RUNDC3A: variants seen among roughly 807,000 people sequenced by gnomAD.
RUNDC3A encodes RUN domain containing 3A.
In RUNDC3A, 28 loss-of-function variants were observed where a neutral mutation model predicts 53.9. The observed-to-expected ratio is 0.52, with a 90% confidence interval of 0.38 to 0.71. The LOEUF (loss-of-function observed/expected upper bound fraction) is 0.71, where lower values mean the gene tolerates loss of function less well. RUNDC3A is among the 30% of genes least tolerant of loss of function. RUNDC3A has a pLI of 0.00. For missense variants in RUNDC3A, 491 were observed against 597.3 expected, an observed-to-expected ratio of 0.82 and a Z score of 1.85; for synonymous variants, 232 against 249.4, an observed-to-expected ratio of 0.93 and a Z score of 0.66.
intron 1 of RUNDC3A, chr17:44,310,902 A>T: frequency 1.0e-6 from 1 of 985,182 alleles, no homozygotes; most frequent in Non-Finnish European, 1.2e-6. Flanking sequence ...GCTGGCTCTC[A>T]GCAGGGCCAG....
intron 1 of RUNDC3A, chr17:44,311,169 TCAACTC>T: frequency 1.0e-6 from 1 of 985,588 alleles, no homozygotes; most frequent in Non-Finnish European, 1.2e-6. Flanking sequence ...TCAAGGCAGT[TCAACTC>T]CAAGTTCAAA....
chr17:44,314,647 G>A, intron 4 of RUNDC3A, 88 bp from the exon 5 acceptor site: 3 of 1,533,408 alleles, frequency 2.0e-6, no homozygotes, highest in Admixed American at 1.9e-5. Context: ...TCAGGATGGG[G>A]TGGCAGTAAG....
Position 44,313,174 on chromosome 17 carries a change from G to A in RUNDC3A, c.294G>A (p.Arg98=). 6.2e-7 allele frequency: 1 copy of A among 1,614,048 alleles called. No homozygotes were observed. The highest frequency in any genetic ancestry group is 8.5e-7 in the Non-Finnish European group (1 of 1,179,898). The change falls in exon 3 of 11, where the codon CGG becomes CGA. Residue 98 remains arginine, a synonymous_variant. Coordinates refer to ENST00000426726, the MANE Select transcript of RUNDC3A (RefSeq NM_001144825.2). ...DGQRGFWDYI[R]LACSKVPNNC... is the part of the protein sequence containing the mutation. Reference sequence around the variant, plus strand: ...AGCGGGGCTTTTGGGACTATATCCGGCTGGCCTGCAGCAAAGTGCCCAACA... The same window carrying A: ...AGCGGGGCTTTTGGGACTATATCCGACTGGCCTGCAGCAAAGTGCCCAACA...
At chr17:44,311,137 C>T (rs1567852311) in intron 1 of RUNDC3A, 1 of 985,592 alleles carries the variant, frequency 1.0e-6, no homozygotes, top group East Asian at 1.1e-4. Context: ...AGTGCAACCC[C>T]AAGACTGACC....
chr17:44,314,687 G>GGT, intron 4 of RUNDC3A, 48 bp from the exon 5 acceptor site: 2 of 1,135,012 alleles, frequency 1.8e-6, no homozygotes, highest in Non-Finnish European at 2.5e-6. Context: ...GGGGGGGGGG[G>GGT]GCGCTCCAGG....
chr17:44,316,927 AT>A, intron 10 of RUNDC3A: 1 of 486,880 alleles, frequency 2.1e-6, no homozygotes, highest in Admixed American at 3.9e-5. Context: ...GGTTCAAGGG[AT>A]TCCCTTGCCT....
chr17:44,315,135 C>T lies in RUNDC3A; in HGVS notation c.630-20C>T, dbSNP rs562629087. The T allele has an allele frequency of 6.9e-6, 11 of 1,585,016 alleles. No homozygotes were observed. In the African/African-American group the frequency reaches 1.2e-4, roughly 17 times the overall value. ...GGGGGAGGGGCGGGACCGGCCGTGCCCACTGCTCCCTCTCCCAAGCTACGA... is the reference window on the plus strand; with the variant it reads ...GGGGGAGGGGCGGGACCGGCCGTGCTCACTGCTCCCTCTCCCAAGCTACGA... On this transcript the variant is annotated intron_variant, in intron 6 of 10. Coordinates refer to ENST00000426726, the MANE Select transcript of RUNDC3A (RefSeq NM_001144825.2). The surrounding 1 kb of genome is among the most constrained non-coding windows in gnomAD (Gnocchi z 6.1).
Position 44,318,369 on chromosome 17 carries a change from G to C in RUNDC3A, c.*131G>C, listed in dbSNP as rs2047918124. The C allele has an allele frequency of 9.5e-7, 1 of 1,049,588 alleles. No homozygotes were observed. The highest frequency in any genetic ancestry group is 1.6e-5 in the African/African-American group (1 of 63,118). The allele number at this position is 1,049,588 out of a possible 1,614,324, so 65.0% of individuals were successfully genotyped here. A position where few individuals can be genotyped will look rare whatever the true frequency, so the allele number is the denominator to read the frequency against. ...ACCCACCCAGCCAGGGTTCTCTCGGGGAAGATCTCGTCTGCTCACCTTAGC... is the reference window on the plus strand; with the variant it reads ...ACCCACCCAGCCAGGGTTCTCTCGGCGAAGATCTCGTCTGCTCACCTTAGC... On this transcript the variant is annotated 3_prime_UTR_variant, in exon 11 of 11. Coordinates refer to ENST00000426726, the MANE Select transcript of RUNDC3A (RefSeq NM_001144825.2).
Position 44,308,777 on chromosome 17 carries a change from G to T in RUNDC3A, c.-56G>T, listed in dbSNP as rs1360323804. ...AGCCGTGATCCAGCGACGGGTTTGG[G>T]GCTCCGGGAGGGGTGGGGGGGCAGC... On this transcript the variant is annotated 5_prime_UTR_variant, in exon 1 of 11. Transcript: ENST00000426726. The T allele has an allele frequency of 8.0e-6, 10 of 1,256,070 alleles. No individual in the cohort carries two copies. In the Admixed American group the frequency reaches 1.5e-4, roughly 19 times the overall value. 77.8% of individuals were successfully genotyped at this position (1,256,070 alleles called of 1,614,324 possible).
In RUNDC3A at chr17:44,309,350, C is replaced by T. The variant is rs1478783002; in HGVS notation, c.107+411C>T. Among the ~76,000 whole-genome samples the T allele has an allele frequency of 3.9e-5, 6 of 152,258 alleles. No homozygotes were observed. The East Asian group carries it at 1.2e-3, about 29-fold the overall frequency. On this transcript the variant is annotated intron_variant, in intron 1 of 10. Transcript: ENST00000426726. The stretch of plus-strand genomic sequence containing the variant: ...ATTGACACCCATGTCAAACTGACCT[C>T]TCTGGGGTGGGGTTCTCCAATGCTC...
chr17:44,314,486 A>G (rs2047812356), intron 4 of RUNDC3A: 1 of 1,403,474 alleles, frequency 7.1e-7, no homozygotes, highest in East Asian at 2.6e-5. Context: ...TGGGTAACCC[A>G]GTACTTGATG....
chr17:44,312,919 G>A (rs34931705), intron 2 of RUNDC3A, among the ~76,000 whole-genome samples, 185 bp from the exon 3 acceptor site: 2 of 152,232 alleles, frequency 1.3e-5, no homozygotes, highest in Admixed American at 1.3e-4. Flanking sequence ...AAGAGGGAGA[G>A]GCCTTTGGCC....
Position 44,315,662 on chromosome 17 carries a change from C to T in RUNDC3A, c.953+53C>T, listed in dbSNP as rs1462671429. 4 of 1,336,522 alleles carry T rather than the reference C, an allele frequency of 3.0e-6. No individual in the cohort carries two copies. The highest frequency in any genetic ancestry group is 2.9e-6 in the Non-Finnish European group (3 of 1,031,888). 82.8% of individuals were successfully genotyped at this position (1,336,522 alleles called of 1,614,324 possible). A position where few individuals can be genotyped will look rare whatever the true frequency, so the allele number is the denominator to read the frequency against. ...GACCCCCGCCGCCCCGACCACATCA[C>T]CGGGTGAACCCCATCTTCACTTCCA... On this transcript the variant is annotated intron_variant, in intron 8 of 10. Coordinates refer to ENST00000426726, the MANE Select transcript of RUNDC3A (RefSeq NM_001144825.2). This position sits in a 1 kb window ranked among gnomAD's most constrained non-coding sequence, Gnocchi z 6.1.
At chr17:44,309,223 GA>G (rs2047702482) in intron 1 of RUNDC3A, among the ~76,000 whole-genome samples, 1 of 152,100 alleles carries the variant, frequency 6.6e-6, no homozygotes, top group South Asian at 2.1e-4. Context: ...GACACTGTGT[GA>G]GGGGGAAGGG....
At position 44,317,716 on chromosome 17, in the gene RUNDC3A, T is replaced by G. The variant is rs1471721386; in HGVS notation, c.1199-380T>G. On this transcript the variant is annotated intron_variant, in intron 10 of 10. Coordinates refer to ENST00000426726, the MANE Select transcript of RUNDC3A (RefSeq NM_001144825.2). ...GCCATGTAGCCCCATCACACTGTGT[T>G]TGTGATTGTCTGTGTGTCTGTCTCC... is the stretch of plus-strand genomic sequence containing the variant. 4.8e-6 allele frequency: 3 copies of G among 622,850 alleles called. No individual in the cohort carries two copies. In the African/African-American group the frequency reaches 5.5e-5, roughly 11 times the overall value. 38.6% of individuals were successfully genotyped at this position (622,850 alleles called of 1,614,324 possible).
intron 1 of RUNDC3A, chr17:44,310,724 G>A: frequency 1.0e-6 from 1 of 985,532 alleles, no homozygotes; most frequent in Non-Finnish European, 1.2e-6. Context: ...ACACCACAGG[G>A]CTCCCGGGGG....
chr17:44,318,080 T>G lies in RUNDC3A; in HGVS notation c.1199-16T>G. 1 of 1,549,416 alleles carries G rather than the reference T, an allele frequency of 6.5e-7. No individual in the cohort carries two copies. The highest frequency in any genetic ancestry group is 8.7e-7 in the Non-Finnish European group (1 of 1,145,420). ...TGTAGACTGGTCGCTTGGCCTCACC[T>G]GCCCTCTCTCCCCAGGGAAGGACCC... On this transcript the variant is annotated splice_polypyrimidine_tract_variant and intron_variant, in intron 10 of 10. Coordinates refer to ENST00000426726, the MANE Select transcript of RUNDC3A (RefSeq NM_001144825.2).
At position 44,317,197 on chromosome 17, in the gene RUNDC3A, G is replaced by A. The variant is rs1598332317; in HGVS notation, c.1198+472G>A. On this transcript the variant is annotated intron_variant, in intron 10 of 10. Transcript: ENST00000426726. ...CACAGCAATCGAGAGCTTACTTTGA[G>A]GTGGCAGAACACAGCATATGCAGAA... 1.6e-5 allele frequency: 9 copies of A among 548,444 alleles called. No homozygotes were observed. The East Asian group carries it at 2.8e-4, about 17-fold the overall frequency. The allele number at this position is 548,444 out of a possible 1,614,324, so 34.0% of individuals were successfully genotyped here.
chr17:44,313,527 A>G, intron 4 of RUNDC3A, 24 bp downstream of exon 4: 1 of 1,601,768 alleles, frequency 6.2e-7, no homozygotes. Flanking sequence ...GGCAACTCAG[A>G]CCACAGGTCT....
Sources: allele counts gnomAD v4.1 joint callset (sites outside exome capture counted in the v4.1 genomes callset), GRCh38; gene constraint gnomAD v4.1.1; non-coding constraint Gnocchi (gnomAD v3.1); transcripts MANE v1.5; gene names NCBI Gene and HGNC (gene_info 2026-07-23, HGNC 2026-07-21).